HOXA10: variants seen among roughly 807,000 people sequenced by gnomAD.
HOXA10 encodes homeobox protein Hox-A10.
HOXA10 carries 12 observed loss-of-function variants against 29.7 expected under a neutral mutation model. That is an observed-to-expected ratio of 0.40 (90% CI 0.26 to 0.65). The LOEUF is 0.65. Ranked by LOEUF, HOXA10 falls within the 30% of genes least tolerant of loss-of-function variation. The pLI is 0.37. For synonymous variants in HOXA10, 327 were observed against 280.7 expected, an observed-to-expected ratio of 1.16 and a Z score of -1.65; for missense variants, 656 against 585.9, an observed-to-expected ratio of 1.12 and a Z score of -1.24.
Position 27,172,086 on chromosome 7 carries a change from A to G in HOXA10, c.1046T>C (p.Leu349Pro). ...GAACAGAAACTCCTTCTCCAGCTCC[A>G]GTGTCTGGTGCTTCGTGTAGGGGCA... Reference protein sequence around the residue: ...KRCPYTKHQTLELEKEFLFNM... With the variant: ...KRCPYTKHQTPELEKEFLFNM... The change falls in exon 2 of 2, where the codon CTG becomes CCG. Residue 349 changes from leucine (L) to proline (P), a missense_variant. Around this residue, in one of 2 missense-constraint regions of HOXA10, gnomAD observed 62 missense variants for 94.0 expected, o/e 0.66. Coordinates refer to ENST00000283921, the MANE Select transcript of HOXA10 (RefSeq NM_018951.4). The G allele has an allele frequency of 6.2e-7, 1 of 1,614,160 alleles. No individual in the cohort carries two copies. The highest frequency in any genetic ancestry group is 8.5e-7 in the Non-Finnish European group (1 of 1,180,006).
chr7:27,178,896 C>T (rs1783701427), upstream of HOXA10, among the ~76,000 whole-genome samples: 1 of 152,142 alleles, frequency 6.6e-6, no homozygotes, highest in African/African-American at 2.4e-5. Flanking sequence ...TGATGACAAC[C>T]CCAATGGAGT....
chr7:27,175,408 C>G (rs1783636055), upstream of HOXA10, among the ~76,000 whole-genome samples: 3 of 152,240 alleles, frequency 2.0e-5, no homozygotes, highest in Admixed American at 2.0e-4. Flanking sequence ...CCCCTCTTCC[C>G]CTCCCTCCCA....
In HOXA10 at chr7:27,171,313, G is replaced by C. The variant is rs1338068909; in HGVS notation, c.*586C>G. 2.2e-6 allele frequency: 1 copy of C among 454,174 alleles called. No homozygotes were observed. The allele number at this position is 454,174 out of a possible 1,614,324, so 28.1% of individuals were successfully genotyped here. A position where few individuals can be genotyped will look rare whatever the true frequency, so the allele number is the denominator to read the frequency against. ...TTTCTCACTTTTTAAATCAGCCAAA[G>C]TCAAGCCCGTTTGCCAACCTGCATG... On this transcript the variant is annotated 3_prime_UTR_variant, in exon 2 of 2. Transcript: ENST00000283921.
chr7:27,177,274 G>A (rs1783669018), upstream of HOXA10, among the ~76,000 whole-genome samples: 1 of 152,232 alleles, frequency 6.6e-6, no homozygotes, highest in Non-Finnish European at 1.5e-5. Context: ...TCTTTAGTAT[G>A]ACTTTTTCCC....
At chr7:27,174,931 A>T (rs1401012585), upstream of HOXA10, 1 of 153,316 alleles carries the variant, frequency 6.5e-6, no homozygotes, top group African/African-American at 2.4e-5. Flanking sequence ...CAGTATCCAC[A>T]GATTTTTCCC....
rs1366144041 is a variant in HOXA10, at chr7:27,173,806, G to A, written c.501C>T (p.Ser167=). The A allele has an allele frequency of 1.2e-6, 2 of 1,611,380 alleles. No homozygotes were observed. Among genetic ancestry groups the A allele is most frequent in the Admixed American group, 1.7e-5 (1 of 59,868 alleles). Residue 167 remains serine (S), a synonymous_variant, in exon 1 of 2, where the codon AGC becomes AGT. Coordinates refer to ENST00000283921, the MANE Select transcript of HOXA10 (RefSeq NM_018951.4). ...CCGCCGAGTCGTAGAGGCAGTAGGA[G>A]CTCTCTTCTTTGATGTTCTGCGCGA... ...CSFAQNIKEE[S]SYCLYDSADK...
Position 27,179,562 on chromosome 7 carries a change from G to T in HOXA10, c.10+84C>A, listed in dbSNP as rs964384759. Reference sequence around the variant, plus strand: ...CGCGTCACCCCACAAACCCAGCCACGTTCCCGAGAGCCCTGCTTAGACATC... The same window carrying T: ...CGCGTCACCCCACAAACCCAGCCACTTTCCCGAGAGCCCTGCTTAGACATC... On this transcript the variant is annotated intron_variant, in intron 1 of 1. Coordinates refer to the HOXA10 transcript ENST00000396344. 8 of 737,036 alleles carry T rather than the reference G, an allele frequency of 1.1e-5. No individual in the cohort carries two copies. In the African/African-American group the frequency reaches 1.4e-4, roughly 13 times the overall value. The allele number at this position is 737,036 out of a possible 1,614,324, so 45.7% of individuals were successfully genotyped here.
chr7:27,179,699 G>T, exon 1 of HOXA10: 1 of 773,988 alleles, frequency 1.3e-6, no homozygotes, highest in South Asian at 1.4e-5. Flanking sequence ...TCCGCGCGGC[G>T]ACGCTCGCGA....
rs1263464089 is a variant in HOXA10, at chr7:27,170,727, A to G, written c.*1172T>C. On this transcript the variant is annotated 3_prime_UTR_variant, in exon 2 of 2. Transcript: ENST00000283921. ...GTAAATAGAGCTAGAACTAACATTT[A>G]TAATAACGATAGAATGCATTTGCTT... 1.1e-5 allele frequency: 5 copies of G among 442,504 alleles called. No homozygotes were observed. The East Asian group carries it at 3.5e-4, about 31-fold the overall frequency. The allele number at this position is 442,504 out of a possible 1,614,324, so 27.4% of individuals were successfully genotyped here.
upstream of HOXA10, chr7:27,174,739 A>T: frequency 5.3e-6 from 1 of 187,210 alleles, no homozygotes; most frequent in South Asian, 1.1e-4. Flanking sequence ...TCCCCGGTGT[A>T]CTCTAACCAC....
chr7:27,173,331 C>G lies in HOXA10; in HGVS notation c.958+18G>C, dbSNP rs745656654. On this transcript the variant is annotated intron_variant, in intron 1 of 1. Transcript: ENST00000283921. ...CCTGTCTGCCCGCCTGACTGCAGCC[C>G]TCTGCAGCCCTGCTTACCCAGGGAA... 7 of 1,611,542 alleles carry G rather than the reference C, an allele frequency of 4.3e-6. No homozygotes were observed. In the Admixed American group the frequency reaches 8.3e-5, roughly 19 times the overall value.
At chr7:27,179,168 G>A (rs1783705915), upstream of HOXA10, among the ~76,000 whole-genome samples, 1 of 152,150 alleles carries the variant, frequency 6.6e-6, no homozygotes, top group South Asian at 2.1e-4. Flanking sequence ...CAAGCTGCCG[G>A]GCAGACATAG....
At chr7:27,179,422 C>T (rs545018915) in intron 1 of HOXA10, among the ~76,000 whole-genome samples, 1 of 151,632 alleles carries the variant, frequency 6.6e-6, no homozygotes, top group East Asian at 2.0e-4. Context: ...TCTACAAAAT[C>T]GAAAGATTCG....
chr7:27,172,483 C>T, intron 1 of HOXA10: 4 of 447,162 alleles, frequency 8.9e-6, no homozygotes, highest in Non-Finnish European at 1.6e-5. Context: ...ACATCTTGAA[C>T]TTAACGCTTT....
At chr7:27,176,357 C>G (rs1048103882), upstream of HOXA10, among the ~76,000 whole-genome samples, 1 of 152,232 alleles carries the variant, frequency 6.6e-6, no homozygotes, top group Non-Finnish European at 1.5e-5. Flanking sequence ...AATTCTCTAC[C>G]CTCTAGGCCC....
In HOXA10 at chr7:27,173,322, A is replaced by ACTGCAGCCCT; in HGVS notation, c.958+17_958+26dup. The stretch of plus-strand genomic sequence containing the variant: ...TTGTGTCTGCCTGTCTGCCCGCCTG[A>ACTGCAGCCCT]CTGCAGCCCTCTGCAGCCCTGCTTA... On this transcript the variant is annotated intron_variant, in intron 1 of 1. Coordinates refer to ENST00000283921, the MANE Select transcript of HOXA10 (RefSeq NM_018951.4). The ACTGCAGCCCT allele has an allele frequency of 2.5e-6, 4 of 1,610,306 alleles. No homozygotes were observed. In the South Asian group the frequency reaches 3.3e-5, roughly 13 times the overall value.
At chr7:27,172,620 A>G (rs547289121) in intron 1 of HOXA10, 1 of 218,468 alleles carries the variant, frequency 4.6e-6, no homozygotes, top group South Asian at 6.3e-5. Context: ...ATTGCCCAAG[A>G]CTCGATAAGG....
At chr7:27,177,147 A>G (rs1226746314), upstream of HOXA10, among the ~76,000 whole-genome samples, 1 of 152,228 alleles carries the variant, frequency 6.6e-6, no homozygotes, top group Non-Finnish European at 1.5e-5. Flanking sequence ...CGCATCTGCT[A>G]CAAAAGGCTG....
At chr7:27,172,495 C>T (rs1783524476) in intron 1 of HOXA10, 1 of 412,958 alleles carries the variant, frequency 2.4e-6, no homozygotes, top group Admixed American at 4.2e-5. Context: ...TAACGCTTTT[C>T]TTTGCCTCTT....
Sources: allele counts gnomAD v4.1 joint callset (sites outside exome capture counted in the v4.1 genomes callset), GRCh38; gene constraint gnomAD v4.1.1; regional missense constraint gnomAD v4.1.1; transcripts MANE v1.5; gene names NCBI Gene and HGNC (gene_info 2026-07-23, HGNC 2026-07-21).